Variants in CDH22 observed in about 807,000 individuals in gnomAD.
CDH22 encodes the protein cadherin-22.
Under a neutral mutation model 58.4 loss-of-function variants are expected in CDH22, and 30 were observed. That is an observed-to-expected ratio of 0.51 (90% confidence interval 0.38 to 0.70). The LOEUF is 0.70. CDH22 is among the 30% of genes least tolerant of loss of function. CDH22 has a pLI of 0.00. For missense variants in CDH22, 1,014 were observed against 1,233.9 expected, an observed-to-expected ratio of 0.82 and a Z score of 2.67; for synonymous variants, 513 against 558.2, an observed-to-expected ratio of 0.92 and a Z score of 1.14.
At chr20:46,200,537 C>T (rs2085952375) in intron 7 of CDH22, among the ~76,000 whole-genome samples, 2 of 152,000 alleles carry the variant, frequency 1.3e-5, no homozygotes, top group Admixed American at 6.6e-5. Context: ...TCGCCTTGGC[C>T]TCCCAAAGTG....
rs2059033090 is a variant in CDH22, at chr20:46,308,412, T to C, written c.-557A>G. 1 of 208,658 alleles carries C rather than the reference T, an allele frequency of 4.8e-6. No individual in the cohort carries two copies. The highest frequency in any genetic ancestry group is 9.7e-6 in the Non-Finnish European group (1 of 103,078). The allele number at this position is 208,658 out of a possible 1,614,324, so 12.9% of individuals were successfully genotyped here. A position where few individuals can be genotyped will look rare whatever the true frequency, so the allele number is the denominator to read the frequency against. ...CGAGAGGGGGAGCCGCGGCGGCGTG[T>C]GCGCGCGTGTGTGTGAGCGAGAGAG... On this transcript the variant is annotated 5_prime_UTR_variant, in exon 1 of 12. Coordinates refer to ENST00000537909, the MANE Select transcript of CDH22 (RefSeq NM_021248.3). The surrounding 1 kb of genome is among the most constrained non-coding windows in gnomAD (Gnocchi z 4.3).
Position 46,233,573 on chromosome 20 carries a change from C to T in CDH22, c.551-5946G>A, listed in dbSNP as rs113647283. Among the ~76,000 whole-genome samples the T allele has an allele frequency of 3.5e-3, 531 of 152,340 alleles. 2 individuals carry two copies. The highest frequency in any genetic ancestry group is 7.1e-3 in the Admixed American group (109 of 15,302). On this transcript the variant is annotated intron_variant, in intron 3 of 11. Coordinates refer to ENST00000537909, the MANE Select transcript of CDH22 (RefSeq NM_021248.3). Reference sequence around the variant, plus strand: ...GAGCACCTACTATGTGCTAGACCCTCGAGGGCAGGATGGTAGCTTTATCAT... The same window carrying T: ...GAGCACCTACTATGTGCTAGACCCTTGAGGGCAGGATGGTAGCTTTATCAT...
intron 2 of CDH22, among the ~76,000 whole-genome samples, chr20:46,245,192 C>T (rs948172917): frequency 6.6e-6 from 1 of 152,164 alleles, no homozygotes. Flanking sequence ...ATACAAGAAC[C>T]ACACAGACTC....
chr20:46,241,748 C>T lies in CDH22; in HGVS notation c.256-491G>A, dbSNP rs1368583715. On this transcript the variant is annotated intron_variant, in intron 2 of 11. Coordinates refer to ENST00000537909, the MANE Select transcript of CDH22 (RefSeq NM_021248.3). The surrounding 1 kb of genome is among the most constrained non-coding windows in gnomAD (Gnocchi z 5.2). ...TCTGGATCCTCAGTCTCCCCCTGCC[C>T]CCAGGATCTCTCGGTACATCAAGCC... Among the ~76,000 whole-genome samples the T allele has an allele frequency of 1.3e-5, 2 of 152,190 alleles. No homozygotes were observed. The highest frequency in any genetic ancestry group is 2.9e-5 in the Non-Finnish European group (2 of 68,034).
intron 1 of CDH22, among the ~76,000 whole-genome samples, chr20:46,291,916 A>G (rs2086605371): frequency 6.6e-6 from 1 of 152,130 alleles, no homozygotes; most frequent in Non-Finnish European, 1.5e-5. Context: ...CTTGGCCTCT[A>G]CCCATTGAAT....
intron 7 of CDH22, among the ~76,000 whole-genome samples, chr20:46,207,448 C>T (rs1228044750): frequency 2.0e-5 from 3 of 152,174 alleles, no homozygotes; most frequent in Admixed American, 6.5e-5. Context: ...GCCTCAACTC[C>T]CAGACAAACA....
chr20:46,178,191 G>A lies in CDH22; in HGVS notation c.1670C>T (p.Thr557Ile). ...CACGTGCTGCGTGTGCACTGCAGCG[G>A]TGTTGTCTGTTCCGGAAGAAGGGGG... is the stretch of plus-strand genomic sequence containing the variant. ...HFSLLDIQDN[T>I]AAVHTQHVGF... Residue 557 changes from threonine to isoleucine, a missense_variant, in exon 11 of 12, where the codon ACC (threonine) becomes ATC (isoleucine). Thr to Ile is a moderately conservative substitution (Grantham distance 89). Around this residue, in one of 2 missense-constraint regions of CDH22, gnomAD observed 806 missense variants for 1,038.7 expected, o/e 0.78. Transcript: ENST00000537909. 3.1e-6 allele frequency: 5 copies of A among 1,611,264 alleles called. No individual in the cohort carries two copies. Among genetic ancestry groups the A allele is most frequent in the Non-Finnish European group, 4.2e-6 (5 of 1,177,848 alleles).
At position 46,186,618 on chromosome 20, in the gene CDH22, T is replaced by G; in HGVS notation, c.1633A>C (p.Asn545His). ...YFRLVPEAPSNPHFSLLDIQD... is the reference protein window; with the variant it reads ...YFRLVPEAPSHPHFSLLDIQD... ...ATGTCAAGCAGAGAGAAATGAGGGTTGCTGGGAGCTTCAGGCACCAGGCGG... is the reference window on the plus strand; with the variant it reads ...ATGTCAAGCAGAGAGAAATGAGGGTGGCTGGGAGCTTCAGGCACCAGGCGG... Residue 545 changes from asparagine to histidine, a missense_variant, in exon 10 of 12, where the codon AAC (asparagine) becomes CAC (histidine). Physicochemically the swap from Asn to His is moderately conservative, Grantham distance 68. Transcript: ENST00000537909. The G allele has an allele frequency of 6.2e-7, 1 of 1,612,656 alleles. No individual in the cohort carries two copies. The highest frequency in any genetic ancestry group is 1.1e-5 in the South Asian group (1 of 91,010).
intron 1 of CDH22, among the ~76,000 whole-genome samples, chr20:46,252,519 T>C (rs2086384186): frequency 6.6e-6 from 1 of 152,258 alleles, no homozygotes; most frequent in Non-Finnish European, 1.5e-5. Context: ...TAACGCCTAC[T>C]CAAGCCATAA....
At chr20:46,194,114 G>A (rs547418451) in intron 8 of CDH22, among the ~76,000 whole-genome samples, 50 of 152,236 alleles carry the variant, frequency 3.3e-4, no homozygotes, top group Non-Finnish European at 4.1e-4. Flanking sequence ...CTCAGGAATC[G>A]CCGCGACCCC....
chr20:46,285,467 T>A (rs992410616), intron 1 of CDH22, among the ~76,000 whole-genome samples: 2 of 152,214 alleles, frequency 1.3e-5, no homozygotes, highest in Non-Finnish European at 2.9e-5. Flanking sequence ...GAGAGGCTGC[T>A]ACTGGCATCT....
intron 8 of CDH22, among the ~76,000 whole-genome samples, chr20:46,198,204 A>G (rs909781627): frequency 7.9e-5 from 12 of 151,694 alleles, no homozygotes; most frequent in Non-Finnish European, 1.3e-4. Context: ...CCTCACCTCC[A>G]CAGCCTTACT....
chr20:46,215,190 G>A (rs994071535), intron 5 of CDH22, among the ~76,000 whole-genome samples: 1 of 152,132 alleles, frequency 6.6e-6, no homozygotes, highest in African/African-American at 2.4e-5. Context: ...AGTGCAAATG[G>A]GCACCTGGAG....
intron 10 of CDH22, 137 bp downstream of exon 10, chr20:46,186,451 G>C: frequency 1.4e-6 from 1 of 693,630 alleles, no homozygotes; most frequent in Non-Finnish European, 2.5e-6. Flanking sequence ...AACAGCTCCA[G>C]CTTGGCCCAG....
intron 4 of CDH22, among the ~76,000 whole-genome samples, chr20:46,224,508 C>T (rs966087580): frequency 6.6e-6 from 1 of 152,204 alleles, no homozygotes; most frequent in African/African-American, 2.4e-5. Context: ...TTCACATGGC[C>T]TGCTAGAAGT....
In CDH22 at chr20:46,213,017, TC is replaced by T; in HGVS notation, c.1009del (p.Glu337ArgfsTer5). The T allele has an allele frequency of 6.2e-7, 1 of 1,614,144 alleles. No homozygotes were observed. Among genetic ancestry groups the T allele is most frequent in the Non-Finnish European group, 8.5e-7 (1 of 1,179,992 alleles). Reference protein sequence around the residue: ...FKVTTDSDTQEAIIVVQKRLD... With the variant: ...FKVTTDSDTQXAIIVVQKRLD... ...CACCTTCTGCACTACGATGATGGCC[TC>T]CTGAGTGTCGCTGTCTGTGGTGACC... On this transcript the variant is annotated frameshift_variant, in exon 6 of 12. Coordinates refer to ENST00000537909, the MANE Select transcript of CDH22 (RefSeq NM_021248.3). LOFTEE classifies it high-confidence loss of function.
intron 1 of CDH22, among the ~76,000 whole-genome samples, chr20:46,265,148 C>T (rs2086453076): frequency 1.3e-5 from 2 of 152,194 alleles, no homozygotes; most frequent in Admixed American, 6.5e-5. Context: ...CTCACTGCAG[C>T]CCAGTGATCA....
At chr20:46,205,760 G>T (rs1308041738) in intron 7 of CDH22, among the ~76,000 whole-genome samples, 1 of 152,130 alleles carries the variant, frequency 6.6e-6, no homozygotes, top group Non-Finnish European at 1.5e-5. Context: ...ACTTCTTCAT[G>T]TGGCATTCAA....
intron 1 of CDH22, among the ~76,000 whole-genome samples, chr20:46,302,390 G>A (rs1004466273): frequency 2.0e-5 from 3 of 152,108 alleles, no homozygotes; most frequent in Non-Finnish European, 2.9e-5. Context: ...AAAATGTCTC[G>A]AGACATTGCC....
Sources: allele counts gnomAD v4.1 joint callset (sites outside exome capture counted in the v4.1 genomes callset), GRCh38; gene constraint gnomAD v4.1.1; regional missense constraint gnomAD v4.1.1; non-coding constraint Gnocchi (gnomAD v3.1); transcripts MANE v1.5; gene names NCBI Gene and HGNC (gene_info 2026-07-23, HGNC 2026-07-21).